HELLS: variants seen among roughly 807,000 people sequenced by gnomAD.
HELLS encodes the protein helicase, lymphoid specific, also known as lymphoid-specific helicase.
A neutral mutation model predicts 120.0 loss-of-function variants in HELLS; 32 were observed. The observed-to-expected ratio is 0.27, with a 90% CI of 0.20 to 0.36. HELLS has a LOEUF of 0.36. HELLS is among the 10% of genes least tolerant of loss of function. The probability of loss-of-function intolerance (pLI) is 1.00; values close to 1 mark genes in which losing one functional copy is unlikely to be tolerated. For synonymous variants in HELLS, 341 were observed against 323.4 expected (o/e 1.05, Z -0.58); for missense variants, 650 against 993.4 (o/e 0.65, Z 4.65).
At chr10:94,584,657 C>T (rs868413083) in intron 12 of HELLS, among the ~76,000 whole-genome samples, 14 of 152,160 alleles carry the variant, frequency 9.2e-5, no homozygotes, top group African/African-American at 3.4e-4. Flanking sequence ...ACAGTGTATA[C>T]AGGTAGATAG....
intron 9 of HELLS, chr10:94,609,799 C>T (rs1208531890): frequency 2.6e-5 from 4 of 152,124 alleles, no homozygotes; most frequent in Non-Finnish European, 4.4e-5. Flanking sequence ...TTTTCCTGTT[C>T]CTATTGTACT....
At chr10:94,596,762 C>A in intron 19 of HELLS, 98 bp from the exon 20 acceptor site, 1 of 621,168 alleles carries the variant, frequency 1.6e-6, no homozygotes, top group South Asian at 2.3e-5. Context: ...CTTTTTTTTG[C>A]CGTCCTTCTT....
At chr10:94,604,212 C>T (rs926842475), downstream of HELLS, among the ~76,000 whole-genome samples, 37 of 150,992 alleles carry the variant, frequency 2.5e-4, no homozygotes, top group Non-Finnish European at 4.4e-4. Flanking sequence ...GCAACATCTG[C>T]CCCCCGGGTT....
chr10:94,583,809 C>T (rs1472712041), intron 12 of HELLS, among the ~76,000 whole-genome samples: 1 of 151,982 alleles, frequency 6.6e-6, no homozygotes, highest in Non-Finnish European at 1.5e-5. Flanking sequence ...AATTATTTTC[C>T]TTTTACTACA....
At chr10:94,549,593 A>G (rs1565010827) in intron 2 of HELLS, among the ~76,000 whole-genome samples, 1 of 151,906 alleles carries the variant, frequency 6.6e-6, no homozygotes, top group Non-Finnish European at 1.5e-5. Flanking sequence ...AACTCCTCCC[A>G]CCCCCCAATA....
chr10:94,589,889 A>G (rs1173568723), intron 13 of HELLS, among the ~76,000 whole-genome samples: 3 of 151,846 alleles, frequency 2.0e-5, no homozygotes, highest in South Asian at 2.1e-4. Context: ...GGGTTTCACC[A>G]TGGTAGCCAG....
Position 94,545,971 on chromosome 10 carries a change from T to C in HELLS, c.31+19T>C. On this transcript the variant is annotated intron_variant, in intron 1 of 21. Transcript: ENST00000348459. ...AGCGGCGGTGAGTGAGGAAAACCTTTTGGGCGCGGGTGGCAGCCTGCGGGG... is the reference window on the plus strand; with the variant it reads ...AGCGGCGGTGAGTGAGGAAAACCTTCTGGGCGCGGGTGGCAGCCTGCGGGG... 6.4e-7 allele frequency: 1 copy of C among 1,555,214 alleles called. No homozygotes were observed. The highest frequency in any genetic ancestry group is 1.4e-5 in the African/African-American group (1 of 73,448).
chr10:94,568,763 A>G (rs1369195758), intron 6 of HELLS, among the ~76,000 whole-genome samples: 3 of 152,184 alleles, frequency 2.0e-5, no homozygotes, highest in Non-Finnish European at 4.4e-5. Flanking sequence ...TGGTATATGT[A>G]TGTTCTTTTT....
intron 7 of HELLS, among the ~76,000 whole-genome samples, 194 bp from the exon 8 acceptor site, chr10:94,573,766 A>AT (rs377102712): frequency 0.022 from 3,186 of 145,690 alleles, 126 homozygotes; most frequent in African/African-American, 0.076. Flanking sequence ...GCAGCCTGTT[A>AT]TTTTTTTTTT....
intron 12 of HELLS, 106 bp from the exon 13 acceptor site, chr10:94,588,123 T>C: frequency 1.8e-6 from 1 of 548,210 alleles, no homozygotes; most frequent in East Asian, 3.2e-5. Flanking sequence ...TGGCATTATT[T>C]ATATAGGAAG....
At chr10:94,559,354 A>G (rs1211785318) in intron 4 of HELLS, among the ~76,000 whole-genome samples, 3 of 152,184 alleles carry the variant, frequency 2.0e-5, no homozygotes, top group Non-Finnish European at 4.4e-5. Flanking sequence ...GCTGTGCCAT[A>G]TGGAGAAAGT....
chr10:94,570,821 A>G (rs1409498645), intron 6 of HELLS: 2 of 152,100 alleles, frequency 1.3e-5, no homozygotes, highest in South Asian at 2.1e-4. Flanking sequence ...ACAGAGGCCT[A>G]AAGTGGGCTG....
exon 10 of HELLS, chr10:94,613,144 T>TA (rs1846210874): frequency 6.6e-6 from 1 of 152,236 alleles, no homozygotes; most frequent in South Asian, 2.1e-4. Flanking sequence ...ACTAAGTACT[T>TA]ATGTACTTTT....
intron 6 of HELLS, among the ~76,000 whole-genome samples, chr10:94,566,093 A>G (rs1843783367): frequency 6.6e-6 from 1 of 151,798 alleles, no homozygotes; most frequent in Non-Finnish European, 1.5e-5. Context: ...GGGTTTTGTC[A>G]TGTTGTCTAG....
At chr10:94,591,562 A>G (rs770395101) in intron 15 of HELLS, among the ~76,000 whole-genome samples, 26 of 152,206 alleles carry the variant, frequency 1.7e-4, no homozygotes, top group Non-Finnish European at 3.4e-4. Context: ...CACTTAGGAC[A>G]TTTAGCAGCA....
chr10:94,611,233 A>T (rs1442206858), exon 10 of HELLS: 2 of 152,180 alleles, frequency 1.3e-5, no homozygotes, highest in Non-Finnish European at 2.9e-5. Flanking sequence ...GCGGGAAGTA[A>T]TAGTTATTCC....
intron 10 of HELLS, among the ~76,000 whole-genome samples, chr10:94,578,937 G>T (rs1264960885): frequency 6.6e-6 from 1 of 152,082 alleles, no homozygotes; most frequent in African/African-American, 2.4e-5. Context: ...TGAGCAGTGG[G>T]GAGTGGCTGT....
rs1842714994 is a variant in HELLS, at chr10:94,545,798, C to G, written c.-124C>G. On this transcript the variant is annotated 5_prime_UTR_variant, in exon 1 of 22. Coordinates refer to ENST00000348459, the MANE Select transcript of HELLS (RefSeq NM_018063.5). The stretch of plus-strand genomic sequence containing the variant: ...ACAGGATTTTCCCGCGAAGGAGAAG[C>G]GCGCTTTTTTCCCTGGCGGGGGATT... 1 of 1,103,022 alleles carries G rather than the reference C, an allele frequency of 9.1e-7. No homozygotes were observed. Among genetic ancestry groups the G allele is most frequent in the South Asian group, 1.3e-5 (1 of 74,748 alleles). The allele number at this position is 1,103,022 out of a possible 1,614,324, so 68.3% of individuals were successfully genotyped here.
chr10:94,596,352 T>C (rs2134124597), intron 19 of HELLS, among the ~76,000 whole-genome samples: 1 of 152,308 alleles, frequency 6.6e-6, no homozygotes, highest in Admixed American at 6.5e-5. Context: ...TTCCAGTAAT[T>C]CCTATGCTCC....
Sources: allele counts gnomAD v4.1 joint callset (sites outside exome capture counted in the v4.1 genomes callset), GRCh38; gene constraint gnomAD v4.1.1; transcripts MANE v1.5; gene names NCBI Gene and HGNC (gene_info 2026-07-23, HGNC 2026-07-21).